VAMP7: variants seen among roughly 807,000 people sequenced by gnomAD.
The protein encoded by VAMP7 is vesicle associated membrane protein 7.
VAMP7 carries 14 observed loss-of-function variants against 29.6 expected under a neutral mutation model. That is an observed-to-expected ratio of 0.47 (90% CI 0.31 to 0.74). The LOEUF (loss-of-function observed/expected upper bound fraction) is 0.74, where lower values mean the gene tolerates loss of function less well. VAMP7 is among the 30% of genes least tolerant of loss of function. The pLI, the probability that VAMP7 is intolerant of heterozygous loss-of-function variation, is 0.05. For synonymous variants in VAMP7, 95 were observed against 88.1 expected, an observed-to-expected ratio of 1.08 and a Z score of -0.44; for missense variants, 223 against 262.4, an observed-to-expected ratio of 0.85 and a Z score of 1.04.
rs756855221 is a variant in VAMP7, at chrX:155,898,127, C to G, written c.220C>G (p.Arg74Gly). The change falls in exon 4 of 8, where the codon CGA becomes GGA. Residue 74 changes from arginine (R) to glycine (G), a missense_variant. Coordinates refer to ENST00000286448, the MANE Select transcript of VAMP7 (RefSeq NM_005638.6). ...CITDDDFERS[R>G]AFNFLNEIKK... ...CTCTTTTCAGGATTTTGAACGTTCCCGAGCCTTTAATTTTCTGAATGAGAT... is the reference window on the plus strand; with the variant it reads ...CTCTTTTCAGGATTTTGAACGTTCCGGAGCCTTTAATTTTCTGAATGAGAT... 1.6e-5 allele frequency: 26 copies of G among 1,611,102 alleles called. No individual in the cohort carries two copies. The highest frequency in any genetic ancestry group is 1.6e-4 in the Middle Eastern group (1 of 6,068).
chrX:155,896,046 T>C (rs2065983185), intron 3 of VAMP7, among the ~76,000 whole-genome samples: 1 of 152,176 alleles, frequency 6.6e-6, no homozygotes, highest in Non-Finnish European at 1.5e-5. Flanking sequence ...AATTGTCTTC[T>C]ACAAAACCGG....
At chrX:155,941,489 A>G (rs2066743263) in intron 7 of VAMP7, among the ~76,000 whole-genome samples, 1 of 152,168 alleles carries the variant, frequency 6.6e-6, no homozygotes, top group Non-Finnish European at 1.5e-5. Context: ...AATAAAATTC[A>G]TGTGCAAAAC....
At chrX:155,928,534 G>T (rs766178228) in intron 6 of VAMP7, among the ~76,000 whole-genome samples, 1 of 152,160 alleles carries the variant, frequency 6.6e-6, no homozygotes, top group East Asian at 1.9e-4. Flanking sequence ...CTGCCTCCAT[G>T]TTCACATTAC....
At position 155,932,881 on chromosome X, in the gene VAMP7, A is replaced by G. The variant is rs747022541; in HGVS notation, c.502-6820A>G. Among the ~76,000 whole-genome samples the G allele has an allele frequency of 1.5e-3, 232 of 152,268 alleles. 2 individuals carry two copies. Among genetic ancestry groups the G allele is most frequent in the African/African-American group, 5.2e-3 (218 of 41,556 alleles). On this transcript the variant is annotated intron_variant, in intron 6 of 7. Coordinates refer to ENST00000286448, the MANE Select transcript of VAMP7 (RefSeq NM_005638.6). The stretch of plus-strand genomic sequence containing the variant: ...TATTATTTTGAAATACGTCCCATCA[A>G]TACCTAATTTATTGAGAGTTTTTAG...
At chrX:155,881,912 C>T (rs1217844960) in intron 1 of VAMP7, among the ~76,000 whole-genome samples, 12 of 152,162 alleles carry the variant, frequency 7.9e-5, no homozygotes, top group Non-Finnish European at 1.3e-4. Flanking sequence ...TCCCCTTCTT[C>T]CTCTGTTCAG....
At chrX:155,921,031 G>A (rs180705994) in intron 6 of VAMP7, among the ~76,000 whole-genome samples, 25 of 152,248 alleles carry the variant, frequency 1.6e-4, no homozygotes, top group Admixed American at 1.4e-3. Context: ...AAACAGAGAA[G>A]TATCTGATTC....
chrX:155,928,539 C>A (rs1029736125), intron 6 of VAMP7, among the ~76,000 whole-genome samples: 2 of 152,152 alleles, frequency 1.3e-5, no homozygotes, highest in Non-Finnish European at 2.9e-5. Flanking sequence ...TCCATGTTCA[C>A]ATTACCTTCT....
At chrX:155,890,938 C>T (rs2065919382) in intron 2 of VAMP7, among the ~76,000 whole-genome samples, 1 of 152,052 alleles carries the variant, frequency 6.6e-6, no homozygotes, top group Admixed American at 6.5e-5. Flanking sequence ...TGAGATAGTC[C>T]AGAGATGAGT....
Position 155,895,616 on chromosome X carries a change from T to A in VAMP7, c.147-7T>A. On this transcript the variant is annotated splice_region_variant and splice_polypyrimidine_tract_variant and intron_variant, in intron 2 of 7. Coordinates refer to ENST00000286448, the MANE Select transcript of VAMP7 (RefSeq NM_005638.6). ...CCACAGTAAGTTTTATATCTTTTAT[T>A]CTACAGTTATTTGTTTCATTACATC... 6.2e-7 allele frequency: 1 copy of A among 1,601,782 alleles called. No homozygotes were observed. The highest frequency in any genetic ancestry group is 8.6e-7 in the Non-Finnish European group (1 of 1,169,090).
intron 6 of VAMP7, among the ~76,000 whole-genome samples, chrX:155,923,135 T>C (rs1337014930): frequency 2.0e-5 from 3 of 152,050 alleles, no homozygotes; most frequent in African/African-American, 7.2e-5. Flanking sequence ...TATTTTTATT[T>C]ACACATGTAT....
intron 5 of VAMP7, among the ~76,000 whole-genome samples, chrX:155,916,019 C>G (rs1214720507): frequency 6.6e-6 from 1 of 152,162 alleles, no homozygotes; most frequent in Non-Finnish European, 1.5e-5. Flanking sequence ...TAAGAACTTG[C>G]TTTATGAATC....
chrX:155,893,180 GA>G (rs934609092), intron 2 of VAMP7, among the ~76,000 whole-genome samples: 45 of 152,118 alleles, frequency 3.0e-4, no homozygotes, highest in African/African-American at 1.1e-3. Context: ...TCTGGTTTAG[GA>G]GAAACAAATT....
At position 155,943,428 on chromosome X, in the gene VAMP7, T is replaced by C. The variant is rs1210944150; in HGVS notation, c.*1477T>C. On this transcript the variant is annotated 3_prime_UTR_variant, in exon 8 of 8. Coordinates refer to ENST00000286448, the MANE Select transcript of VAMP7 (RefSeq NM_005638.6). ...GATCTTAGGCCCACTTGAACTCTTT[T>C]CTTGTTTATCTAGCATAGCACAAAC... 2 of 152,452 alleles carry C rather than the reference T, an allele frequency of 1.3e-5. No individual in the cohort carries two copies. Among genetic ancestry groups the C allele is most frequent in the Non-Finnish European group, 2.9e-5 (2 of 68,002 alleles). 9.4% of individuals were successfully genotyped at this position (152,452 alleles called of 1,614,324 possible).
At chrX:155,900,429 C>T in intron 4 of VAMP7, 68 bp from the exon 5 acceptor site, 1 of 1,201,720 alleles carries the variant, frequency 8.3e-7, no homozygotes, top group Non-Finnish European at 1.2e-6. Context: ...ATTGTCATTC[C>T]CCTTATTTTT....
intron 6 of VAMP7, among the ~76,000 whole-genome samples, chrX:155,931,430 G>T (rs2066553148): frequency 6.6e-6 from 1 of 152,106 alleles, no homozygotes; most frequent in African/African-American, 2.4e-5. Flanking sequence ...GTATCTCATT[G>T]TGGTTTTGAT....
intron 6 of VAMP7, among the ~76,000 whole-genome samples, chrX:155,928,145 A>G (rs2066498104): frequency 6.6e-6 from 1 of 151,874 alleles, no homozygotes; most frequent in Non-Finnish European, 1.5e-5. Context: ...CTGGTCTCAA[A>G]TGCCCAGGCT....
chrX:155,883,440 TC>T (rs1454100931), intron 1 of VAMP7, among the ~76,000 whole-genome samples: 3 of 152,194 alleles, frequency 2.0e-5, no homozygotes, highest in African/African-American at 7.2e-5. Context: ...AATTTAATAA[TC>T]TGCTCATGAT....
At chrX:155,884,350 C>G (rs1452152253) in intron 1 of VAMP7, among the ~76,000 whole-genome samples, 1 of 152,090 alleles carries the variant, frequency 6.6e-6, no homozygotes, top group Non-Finnish European at 1.5e-5. Context: ...TGGTCTCGAA[C>G]TCCTGACCTT....
At chrX:155,904,143 A>G (rs1157459834) in intron 5 of VAMP7, among the ~76,000 whole-genome samples, 1 of 146,532 alleles carries the variant, frequency 6.8e-6, no homozygotes, top group Non-Finnish European at 1.5e-5. Context: ...CTCATAGGTG[A>G]GAATTGAACA....
Sources: gnomAD v4.1 joint callset for allele counts (sites outside exome capture counted in the v4.1 genomes callset) on GRCh38, gnomAD v4.1.1 for gene constraint, MANE v1.5 for transcripts, NCBI Gene and HGNC (gene_info 2026-07-23, HGNC 2026-07-21) for gene names.